KLHL32: variants seen among roughly 807,000 people sequenced by gnomAD.
KLHL32 encodes the protein kelch like family member 32.
Under a neutral mutation model 64.8 loss-of-function variants are expected in KLHL32, and 35 were observed. The ratio of observed to expected loss-of-function variants is 0.54; its 90% CI spans 0.41 to 0.72. The LOEUF (loss-of-function observed/expected upper bound fraction) is 0.72. KLHL32 is among the 30% of genes least tolerant of loss of function. KLHL32 has a pLI of 0.00. For synonymous variants in KLHL32, 259 were observed against 281.0 expected (o/e 0.92, Z 0.78); for missense variants, 589 against 768.5 (o/e 0.77, Z 2.76).
Position 97,139,237 on chromosome 6 carries a change from C to T in KLHL32, c.1818C>T (p.Asn606=). 6.2e-7 allele frequency: 1 copy of T among 1,614,048 alleles called. No homozygotes were observed. Among genetic ancestry groups the T allele is most frequent in the South Asian group, 1.1e-5 (1 of 91,080 alleles). The change falls in exon 11 of 11, where the codon AAC becomes AAT. Residue 606 remains asparagine, a synonymous_variant. Transcript: ENST00000369261. ...FLPAPYFTCP[N]LQTLQVPHHR... ...CAGCTCCATATTTTACATGCCCTAA[C>T]CTTCAAACTCTTCAAGTGCCTCATC... is the stretch of plus-strand genomic sequence containing the variant.
upstream of KLHL32, among the ~76,000 whole-genome samples, chr6:96,923,592 T>C (rs1475765121): frequency 6.6e-6 from 1 of 152,192 alleles, no homozygotes; most frequent in Non-Finnish European, 1.5e-5. Context: ...CCTGTGGATC[T>C]AGAAGTAGAA....
At chr6:97,022,675 G>A (rs1352363405) in intron 3 of KLHL32, among the ~76,000 whole-genome samples, 1 of 151,818 alleles carries the variant, frequency 6.6e-6, no homozygotes, top group Non-Finnish European at 1.5e-5. Flanking sequence ...TCATCATGTT[G>A]GCCAGGCTGG....
intron 5 of KLHL32, among the ~76,000 whole-genome samples, chr6:97,065,931 A>T (rs1789666988): frequency 6.6e-6 from 1 of 152,208 alleles, no homozygotes; most frequent in Non-Finnish European, 1.5e-5. Context: ...AATACAGTTT[A>T]TGGAATTCTT....
chr6:96,999,329 G>A (rs566814994), intron 3 of KLHL32, among the ~76,000 whole-genome samples: 1 of 152,298 alleles, frequency 6.6e-6, no homozygotes, highest in Middle Eastern at 3.4e-3. Flanking sequence ...CTGGGAAGTC[G>A]AGGCTGCAGT....
rs772452010 is a variant in KLHL32, at chr6:97,132,650, T to C, written c.1607-3T>C. 2 of 1,600,632 alleles carry C rather than the reference T, an allele frequency of 1.2e-6. No individual in the cohort carries two copies. Among genetic ancestry groups the C allele is most frequent in the Middle Eastern group, 1.7e-4 (1 of 6,058 alleles). ...TCTTTTTATTCAATTCTCTTTACTT[T>C]AGGCCAAAATGAATCTGGAGTTGCT... On this transcript the variant is annotated splice_polypyrimidine_tract_variant and splice_region_variant and intron_variant, in intron 9 of 10. Coordinates refer to ENST00000369261, the MANE Select transcript of KLHL32 (RefSeq NM_052904.4).
intron 5 of KLHL32, among the ~76,000 whole-genome samples, chr6:97,067,752 T>TC (rs1790034418): frequency 6.6e-6 from 1 of 152,146 alleles, no homozygotes; most frequent in African/African-American, 2.4e-5. Flanking sequence ...GCTACCCTGA[T>TC]CATCATTCAG....
At chr6:96,901,009 G>A in the KLHL32 span, among the ~76,000 whole-genome samples, 2 of 152,144 alleles carry the variant, frequency 1.3e-5, no homozygotes, top group Non-Finnish European at 2.9e-5. Context: ...GGGAGCGGGG[G>A]GTAGTGCCAC....
intron 3 of KLHL32, chr6:97,010,331 T>C (rs969276496): frequency 1.3e-5 from 2 of 152,142 alleles, no homozygotes; most frequent in Non-Finnish European, 2.9e-5. Flanking sequence ...AGGGTTGCTG[T>C]ATTAGAAGAG....
chr6:96,959,669 G>C (rs554918146), intron 1 of KLHL32, among the ~76,000 whole-genome samples: 6 of 152,202 alleles, frequency 3.9e-5, no homozygotes, highest in South Asian at 4.1e-4. Flanking sequence ...CATGAATTGT[G>C]GGGGGACACA....
chr6:97,061,502 C>T (rs1788893443), intron 4 of KLHL32, among the ~76,000 whole-genome samples: 1 of 152,144 alleles, frequency 6.6e-6, no homozygotes, highest in African/African-American at 2.4e-5. Context: ...TGTGTCAGGC[C>T]ACTCACATTA....
intron 3 of KLHL32, among the ~76,000 whole-genome samples, chr6:97,008,269 A>G (rs570608139): frequency 2.0e-5 from 3 of 152,186 alleles, no homozygotes; most frequent in African/African-American, 7.2e-5. Context: ...AGTCAGGTGC[A>G]GTCTGCCAGC....
intron 8 of KLHL32, among the ~76,000 whole-genome samples, chr6:97,130,155 G>GA (rs931467404): frequency 3.3e-5 from 5 of 151,898 alleles, no homozygotes; most frequent in East Asian, 1.9e-4. Flanking sequence ...ACATCATTTT[G>GA]AAAAAATGAA....
In KLHL32 at chr6:96,986,772, C is replaced by T. The variant is rs1410135752; in HGVS notation, c.204+10595C>T. ...CCGATTTTCCAGGTGCCATCTGTCA[C>T]CCCTTTCTTTGACTAGGAATGGGAA... On this transcript the variant is annotated intron_variant, in intron 3 of 10. Transcript: ENST00000369261. Among the ~76,000 whole-genome samples the T allele has an allele frequency of 5.9e-5, 9 of 152,342 alleles. No individual in the cohort carries two copies. The South Asian group carries it at 1.9e-3, about 32-fold the overall frequency.
At chr6:96,966,913 A>G (rs1305045464) in intron 1 of KLHL32, 83 bp from the exon 2 acceptor site, 6 of 644,638 alleles carry the variant, frequency 9.3e-6, no homozygotes, top group African/African-American at 3.6e-5. Context: ...CCTGGAATTC[A>G]GAAACTTTAG....
intron 3 of KLHL32, among the ~76,000 whole-genome samples, chr6:97,021,853 C>CA (rs1491313228): frequency 6.6e-6 from 1 of 150,906 alleles, no homozygotes; most frequent in Non-Finnish European, 1.5e-5. Flanking sequence ...CTGCTTATTG[C>CA]ACAGTTTTTT....
At chr6:96,963,906 A>T (rs772800776) in intron 1 of KLHL32, among the ~76,000 whole-genome samples, 1 of 152,218 alleles carries the variant, frequency 6.6e-6, no homozygotes, top group Admixed American at 6.5e-5. Context: ...TGTCATGCCA[A>T]TGGCTCAGAA....
chr6:96,910,457 T>C, the KLHL32 span, among the ~76,000 whole-genome samples: 2 of 152,142 alleles, frequency 1.3e-5, no homozygotes, highest in Non-Finnish European at 2.9e-5. Flanking sequence ...CTAATTTGTG[T>C]TTATTATTTT....
At chr6:97,016,010 G>A (rs1356833691) in intron 3 of KLHL32, among the ~76,000 whole-genome samples, 1 of 152,194 alleles carries the variant, frequency 6.6e-6, no homozygotes, top group African/African-American at 2.4e-5. Context: ...TGAGTCTTGG[G>A]AACCTCCTCC....
chr6:97,017,292 A>G (rs1255472868), intron 3 of KLHL32, among the ~76,000 whole-genome samples: 2 of 152,230 alleles, frequency 1.3e-5, no homozygotes, highest in African/African-American at 4.8e-5. Context: ...ATTTGACTTG[A>G]ACTCAGAGAC....
Sources: gnomAD v4.1 joint callset for allele counts (sites outside exome capture counted in the v4.1 genomes callset) on GRCh38, gnomAD v4.1.1 for gene constraint, MANE v1.5 for transcripts, NCBI Gene and HGNC (gene_info 2026-07-23, HGNC 2026-07-21) for gene names.